The following SIPA1L1 variants were observed in gnomAD, a reference collection of about 807,000 sequenced individuals.
SIPA1L1 encodes signal induced proliferation associated 1 like 1, also known as signal-induced proliferation-associated 1-like protein 1.
SIPA1L1 carries 26 observed loss-of-function variants against 162.7 expected under a neutral mutation model. That is an observed-to-expected ratio of 0.16 (90% CI 0.12 to 0.22). The LOEUF (loss-of-function observed/expected upper bound fraction) is 0.22, where lower values mean the gene tolerates loss of function less well. Ranked by LOEUF, SIPA1L1 falls within the 10% of genes least tolerant of loss-of-function variation. The pLI, the probability that SIPA1L1 is intolerant of heterozygous loss-of-function variation, is 1.00. For missense variants in SIPA1L1, 1,874 were observed against 2,241.0 expected, an observed-to-expected ratio of 0.84 and a Z score of 3.31; for synonymous variants, 829 against 837.4, an observed-to-expected ratio of 0.99 and a Z score of 0.17.
chr14:71,559,121 G>A (rs1343017956), intron 4 of SIPA1L1, among the ~76,000 whole-genome samples: 1 of 150,238 alleles, frequency 6.7e-6, no homozygotes, highest in Non-Finnish European at 1.5e-5. Flanking sequence ...AGGCTGGAGT[G>A]CAGTGGCGCT....
At chr14:71,682,169 A>C (rs1191165474) in intron 12 of SIPA1L1, among the ~76,000 whole-genome samples, 2 of 152,272 alleles carry the variant, frequency 1.3e-5, no homozygotes, top group East Asian at 1.9e-4. Flanking sequence ...TCCTCTACAA[A>C]GTGGGGATAA....
intron 4 of SIPA1L1, among the ~76,000 whole-genome samples, chr14:71,555,458 T>C (rs888310147): frequency 6.6e-6 from 1 of 152,222 alleles, no homozygotes; most frequent in Non-Finnish European, 1.5e-5. Context: ...TAAGAGAATG[T>C]TGTGGCTGAT....
chr14:71,718,811 G>C (rs1158965428), intron 17 of SIPA1L1, among the ~76,000 whole-genome samples: 4 of 152,142 alleles, frequency 2.6e-5, no homozygotes, highest in Non-Finnish European at 5.9e-5. Context: ...GGTAACATTA[G>C]CTTTTCTCCA....
At chr14:71,444,508 G>A (rs1199320639) in intron 2 of SIPA1L1, among the ~76,000 whole-genome samples, 2 of 152,102 alleles carry the variant, frequency 1.3e-5, no homozygotes, top group African/African-American at 2.4e-5. Flanking sequence ...AATATCCACC[G>A]AATTTTTCAA....
At chr14:71,398,725 C>T (rs2041424498) in intron 2 of SIPA1L1, among the ~76,000 whole-genome samples, 1 of 152,332 alleles carries the variant, frequency 6.6e-6, no homozygotes, top group South Asian at 2.1e-4. Context: ...AGATGACAGA[C>T]ACCAGATAGA....
intron 17 of SIPA1L1, among the ~76,000 whole-genome samples, chr14:71,722,687 C>G (rs927477689): frequency 1.3e-5 from 2 of 152,196 alleles, no homozygotes; most frequent in African/African-American, 4.8e-5. Flanking sequence ...CTCTGGAACT[C>G]TTGAAACCCC....
intron 5 of SIPA1L1, among the ~76,000 whole-genome samples, chr14:71,593,738 A>G (rs920091854): frequency 6.6e-6 from 1 of 152,060 alleles, no homozygotes; most frequent in African/African-American, 2.4e-5. Context: ...CTTGAATCCT[A>G]TAGAGAGGAA....
chr14:71,478,917 AC>A (rs1222225103), intron 2 of SIPA1L1, among the ~76,000 whole-genome samples: 1 of 151,766 alleles, frequency 6.6e-6, no homozygotes, highest in African/African-American at 2.4e-5. Context: ...GTCCACCACC[AC>A]CTTGGAATTG....
intron 12 of SIPA1L1, among the ~76,000 whole-genome samples, chr14:71,682,265 C>T (rs1320691247): frequency 1.3e-5 from 2 of 152,104 alleles, no homozygotes; most frequent in African/African-American, 2.4e-5. Flanking sequence ...TTAGAGTTAC[C>T]GTTCATCAAC....
At position 71,676,731 on chromosome 14, in the gene SIPA1L1, T is replaced by C. The variant is rs989568617; in HGVS notation, c.3104+4109T>C. Among the ~76,000 whole-genome samples, 2 of 150,104 alleles carry C rather than the reference T, an allele frequency of 1.3e-5. 1 individual carries two copies. Among genetic ancestry groups the C allele is most frequent in the South Asian group, 4.2e-4 (2 of 4,724 alleles). On this transcript the variant is annotated intron_variant, in intron 12 of 23. Coordinates refer to ENST00000381232, the MANE Select transcript of SIPA1L1 (RefSeq NM_001386936.1). ...ATGAGTAAGAACATGTGGTGTTTGG[T>C]TTTTTTGTCCTTGTGATAGTTTGCT... is the stretch of plus-strand genomic sequence containing the variant.
intron 2 of SIPA1L1, among the ~76,000 whole-genome samples, chr14:71,398,848 A>C (rs541414237): frequency 2.6e-5 from 4 of 152,336 alleles, no homozygotes; most frequent in African/African-American, 9.6e-5. Flanking sequence ...TAGGTTGTGA[A>C]CTTTTCAAAA....
chr14:71,644,152 A>C (rs1299088172), intron 7 of SIPA1L1, among the ~76,000 whole-genome samples: 1 of 152,062 alleles, frequency 6.6e-6, no homozygotes, highest in East Asian at 1.9e-4. Context: ...GGAATCTGAA[A>C]TCATGAGTTA....
At chr14:71,537,696 CTCT>C (rs1162863576) in intron 4 of SIPA1L1, among the ~76,000 whole-genome samples, 1 of 151,398 alleles carries the variant, frequency 6.6e-6, no homozygotes, top group Non-Finnish European at 1.5e-5. Context: ...TTCTCTCTCT[CTCT>C]TTTTTTTTTT....
intron 4 of SIPA1L1, among the ~76,000 whole-genome samples, chr14:71,569,711 G>A (rs2031559052): frequency 6.6e-6 from 1 of 152,204 alleles, no homozygotes. Context: ...GGGAGGCCAG[G>A]TAGCCAAGAC....
In SIPA1L1 at chr14:71,709,418, C is replaced by T. The variant is rs757762554; in HGVS notation, c.3962C>T (p.Ser1321Leu). 5.3e-5 allele frequency: 86 copies of T among 1,614,108 alleles called. No homozygotes were observed. The highest frequency in any genetic ancestry group is 3.8e-4 in the East Asian group (17 of 44,886). The change falls in exon 17 of 24, where the codon TCG (serine) becomes TTG (leucine). Residue 1321 changes from serine (S) to leucine (L), a missense_variant. Around this residue, in one of 5 missense-constraint regions of SIPA1L1, gnomAD observed 936 missense variants for 1,051.9 expected, o/e 0.89. Transcript: ENST00000381232. ...SYGPSHGSTASLGAATSSPRS... is the reference protein window; with the variant it reads ...SYGPSHGSTALLGAATSSPRS... ...GGCCCCAGCCACGGCAGCACAGCCTCGCTGGGGGCTGCCACATCGTCACCT... is the reference window on the plus strand; with the variant it reads ...GGCCCCAGCCACGGCAGCACAGCCTTGCTGGGGGCTGCCACATCGTCACCT...
chr14:71,529,276 G>T, intron 3 of SIPA1L1, 36 bp from the exon 4 acceptor site: 1 of 597,952 alleles, frequency 1.7e-6, no homozygotes, highest in Non-Finnish European at 3.0e-6. Flanking sequence ...AATTTATTGT[G>T]CACTTAACCA....
chr14:71,400,586 A>G (rs550533749), intron 2 of SIPA1L1, among the ~76,000 whole-genome samples: 3 of 151,994 alleles, frequency 2.0e-5, no homozygotes, highest in African/African-American at 4.8e-5. Flanking sequence ...TATTGATTCA[A>G]ATATACTAGG....
At chr14:71,565,314 T>C (rs1041103049) in intron 4 of SIPA1L1, among the ~76,000 whole-genome samples, 7 of 152,348 alleles carry the variant, frequency 4.6e-5, no homozygotes, top group African/African-American at 1.4e-4. Flanking sequence ...TGCTAGGCTC[T>C]GGAGACCTTG....
chr14:71,500,086 C>T (rs144813074), intron 2 of SIPA1L1, among the ~76,000 whole-genome samples: 14 of 152,022 alleles, frequency 9.2e-5, no homozygotes, highest in Non-Finnish European at 1.8e-4. Context: ...GACATTTGGA[C>T]GTAGTGTTTG....
Sources: gnomAD v4.1 joint callset for allele counts (sites outside exome capture counted in the v4.1 genomes callset) on GRCh38, gnomAD v4.1.1 for gene constraint, gnomAD v4.1.1 regional missense constraint, MANE v1.5 for transcripts, NCBI Gene and HGNC (gene_info 2026-07-23, HGNC 2026-07-21) for gene names.